The following MDGA2 variants were observed in gnomAD, a reference collection of about 807,000 sequenced individuals.
The protein encoded by MDGA2 is MAM domain-containing glycosylphosphatidylinositol anchor protein 2.
MDGA2 carries 40 observed loss-of-function variants against 117.8 expected under a neutral mutation model. The ratio of observed to expected loss-of-function variants is 0.34; its 90% CI spans 0.26 to 0.44. The LOEUF is 0.44. Ranked by LOEUF, MDGA2 falls within the 20% of genes least tolerant of loss-of-function variation. The probability of loss-of-function intolerance (pLI) is 1.00; values close to 1 mark genes in which losing one functional copy is unlikely to be tolerated. For synonymous variants in MDGA2, 452 were observed against 439.0 expected, an observed-to-expected ratio of 1.03 and a Z score of -0.37; for missense variants, 1,123 against 1,250.6, an observed-to-expected ratio of 0.90 and a Z score of 1.54.
downstream of MDGA2, among the ~76,000 whole-genome samples, chr14:46,839,827 G>T (rs888788298): frequency 5.3e-5 from 8 of 151,938 alleles, no homozygotes; most frequent in Non-Finnish European, 8.8e-5. Context: ...TATTCAAACT[G>T]GTCCCCTTTT....
intron 8 of MDGA2, among the ~76,000 whole-genome samples, chr14:47,003,917 C>G (rs1243090753): frequency 6.6e-6 from 1 of 151,486 alleles, no homozygotes; most frequent in East Asian, 1.9e-4. Flanking sequence ...AGATACAATG[C>G]CCAAAACAGA....
At chr14:47,517,991 G>C (rs945858948) in intron 1 of MDGA2, among the ~76,000 whole-genome samples, 1 of 152,082 alleles carries the variant, frequency 6.6e-6, no homozygotes, top group African/African-American at 2.4e-5. Context: ...AGAGAAAAAT[G>C]TATATGCTTT....
At chr14:47,370,468 G>GTTTTTTTTTTTTTTTTTTTTTTTTTTTTT (rs67255552) in intron 1 of MDGA2, among the ~76,000 whole-genome samples, 1 of 20,684 alleles carries the variant, frequency 4.8e-5, no homozygotes, top group African/African-American at 1.3e-4. Context: ...TCTACTTACT[G>GTTTTTTTTTTTTTTTTTTTTTTTTTTTTT]TTTTTTTTTT....
chr14:46,893,462 T>A (rs986232806), intron 10 of MDGA2, among the ~76,000 whole-genome samples: 1 of 151,902 alleles, frequency 6.6e-6, no homozygotes. Flanking sequence ...GTTAATAGTA[T>A]TACATAATAT....
intron 1 of MDGA2, among the ~76,000 whole-genome samples, chr14:47,516,521 G>T (rs1197282868): frequency 6.6e-6 from 1 of 152,116 alleles, no homozygotes; most frequent in Non-Finnish European, 1.5e-5. Flanking sequence ...TTTGATTCAG[G>T]GATGAGTATC....
At chr14:47,414,281 C>A (rs1291643260) in intron 1 of MDGA2, among the ~76,000 whole-genome samples, 1 of 152,124 alleles carries the variant, frequency 6.6e-6, no homozygotes, top group East Asian at 1.9e-4. Flanking sequence ...ACCCAAGAGC[C>A]ATGCTTACCG....
In MDGA2 at chr14:47,100,565, G is replaced by A. The variant is rs113751302; in HGVS notation, c.926-3442C>T. ...GAATGTAAATGTCCATTGATTCATC[G>A]CAGCAACATGTGAGATAGATTATTA... On this transcript the variant is annotated intron_variant, in intron 5 of 16. Coordinates refer to ENST00000399232, the MANE Select transcript of MDGA2 (RefSeq NM_001113498.3). 7.7e-4 allele frequency among the ~76,000 whole-genome samples: 117 copies of A among 152,072 alleles called. 2 individuals are homozygous for A. The highest frequency in any genetic ancestry group is 2.7e-3 in the African/African-American group (113 of 41,486).
At chr14:47,372,972 T>C (rs988907473) in intron 1 of MDGA2, among the ~76,000 whole-genome samples, 1 of 151,984 alleles carries the variant, frequency 6.6e-6, no homozygotes. Context: ...AAATTTGTAT[T>C]GTAGAACAAT....
chr14:47,337,793 T>C (rs1423607784), intron 1 of MDGA2, among the ~76,000 whole-genome samples: 1 of 152,044 alleles, frequency 6.6e-6, no homozygotes, highest in Non-Finnish European at 1.5e-5. Flanking sequence ...GTATTCAATA[T>C]CACATGACCA....
Position 47,061,438 on chromosome 14 carries a change from C to G in MDGA2, c.1336G>C (p.Gly446Arg), listed in dbSNP as rs1187233136. ...CGCTCAGAACTTCTTAATGGACGAC[C>G]ATTTTTAAACCAACTAAATGTTAGC... ...EELTFSWFKNGRPLRSSERMV... is the reference protein window; with the variant it reads ...EELTFSWFKNRRPLRSSERMV... Residue 446 changes from glycine (G) to arginine (R), a missense_variant, in exon 7 of 17, where the codon GGT (glycine) becomes CGT (arginine). Physicochemically the swap from Gly to Arg is moderately radical, Grantham distance 125 (BLOSUM62 -2). Transcript: ENST00000399232. 3 of 1,613,574 alleles carry G rather than the reference C, an allele frequency of 1.9e-6. No individual in the cohort carries two copies. The highest frequency in any genetic ancestry group is 2.5e-6 in the Non-Finnish European group (3 of 1,179,626).
At chr14:47,537,573 TTAAAAAAAAAAAAAAAAAAAA>T (rs1356948487) in intron 1 of MDGA2, among the ~76,000 whole-genome samples, 7 of 57,110 alleles carry the variant, frequency 1.2e-4, no homozygotes, top group African/African-American at 1.7e-4. Context: ...CTTCTCTCTG[TTAAAAAAAAAAAAAAAAAAAA>T]AAAAAAAAAA....
intron 2 of MDGA2, among the ~76,000 whole-genome samples, chr14:47,275,955 C>T (rs1888299009): frequency 1.3e-5 from 2 of 152,066 alleles, no homozygotes; most frequent in Admixed American, 1.3e-4. Context: ...CCCATTGTCT[C>T]AAGCGAAAAA....
chr14:47,471,166 T>C (rs1893719661), intron 1 of MDGA2, among the ~76,000 whole-genome samples: 1 of 152,028 alleles, frequency 6.6e-6, no homozygotes, highest in Admixed American at 6.6e-5. Context: ...AGGTACGTGG[T>C]AGATGGCTGT....
chr14:46,976,086 A>G (rs60511960), intron 8 of MDGA2, among the ~76,000 whole-genome samples: 5,893 of 152,254 alleles, frequency 0.039, 382 homozygotes, highest in African/African-American at 0.14. Flanking sequence ...ATTGTTTAAT[A>G]TATTGAGAGT....
intron 1 of MDGA2, among the ~76,000 whole-genome samples, chr14:47,626,815 C>A (rs1054697697): frequency 6.6e-6 from 1 of 152,224 alleles, no homozygotes; most frequent in Non-Finnish European, 1.5e-5. Context: ...TGGGCTCCTG[C>A]GCCGCCAGAG....
chr14:47,239,507 TAAA>T (rs1409050064), intron 2 of MDGA2, among the ~76,000 whole-genome samples: 1 of 151,826 alleles, frequency 6.6e-6, no homozygotes, highest in African/African-American at 2.4e-5. Flanking sequence ...ATGTGAAACA[TAAA>T]AAGCTTCTTT....
At chr14:47,278,369 A>G (rs1888373295) in intron 2 of MDGA2, among the ~76,000 whole-genome samples, 1 of 148,354 alleles carries the variant, frequency 6.7e-6, no homozygotes, top group Admixed American at 6.7e-5. Context: ...TATAGTGATC[A>G]GATCAGGGTC....
intron 6 of MDGA2, among the ~76,000 whole-genome samples, chr14:47,066,410 T>C (rs796694970): frequency 2.2e-4 from 34 of 152,216 alleles, no homozygotes; most frequent in African/African-American, 7.5e-4. Context: ...TCTGGGGAAA[T>C]AGAATAGGAA....
intron 9 of MDGA2, among the ~76,000 whole-genome samples, chr14:46,926,813 T>G (rs1434336102): frequency 6.6e-6 from 1 of 152,080 alleles, no homozygotes; most frequent in African/African-American, 2.4e-5. Flanking sequence ...GCTAATGGAT[T>G]GAATGAGTGA....
Sources: gnomAD v4.1 joint callset for allele counts (sites outside exome capture counted in the v4.1 genomes callset) on GRCh38, gnomAD v4.1.1 for gene constraint, MANE v1.5 for transcripts, NCBI Gene and HGNC (gene_info 2026-07-23, HGNC 2026-07-21) for gene names.